Variants in KCNH7 observed in about 807,000 individuals in gnomAD.
The protein encoded by KCNH7 is voltage-gated inwardly rectifying potassium channel KCNH7.
Under a neutral mutation model 120.8 loss-of-function variants are expected in KCNH7, and 49 were observed. That is an observed-to-expected ratio of 0.41 (90% confidence interval 0.32 to 0.51). The LOEUF (loss-of-function observed/expected upper bound fraction) is 0.51. Among genes scored for constraint, KCNH7 ranks in the 20% least tolerant of loss-of-function variants. The pLI is 0.38. For missense variants in KCNH7, 1,097 were observed against 1,446.6 expected, an observed-to-expected ratio of 0.76 and a Z score of 3.92; for synonymous variants, 547 against 516.1, an observed-to-expected ratio of 1.06 and a Z score of -0.81.
chr2:162,821,408 C>A, intron 2 of KCNH7, among the ~76,000 whole-genome samples: 1 of 152,286 alleles, frequency 6.6e-6, no homozygotes, highest in East Asian at 1.9e-4. Flanking sequence ...GGAATTCTGA[C>A]TCATTTCTCC....
At chr2:162,607,048 T>C (rs1682797303) in intron 2 of KCNH7, among the ~76,000 whole-genome samples, 1 of 151,856 alleles carries the variant, frequency 6.6e-6, no homozygotes, top group Non-Finnish European at 1.5e-5. Flanking sequence ...ATGTATATAT[T>C]ATAACACTAA....
intron 2 of KCNH7, among the ~76,000 whole-genome samples, chr2:162,577,287 ATCTG>A (rs1327944821): frequency 0.011 from 1,302 of 118,952 alleles, 17 homozygotes; most frequent in East Asian, 0.046. Context: ...AGATAGATCT[ATCTG>A]TCTATCTATC....
At chr2:162,832,227 A>G (rs1685503758) in intron 2 of KCNH7, among the ~76,000 whole-genome samples, 1 of 152,134 alleles carries the variant, frequency 6.6e-6, no homozygotes, top group South Asian at 2.1e-4. Context: ...TGAATTACAC[A>G]CACATAAAAT....
chr2:162,827,909 A>G (rs1573938437), intron 2 of KCNH7, among the ~76,000 whole-genome samples: 1 of 152,192 alleles, frequency 6.6e-6, no homozygotes, highest in Admixed American at 6.6e-5. Context: ...CTGAGTTGGA[A>G]CTCAATGTTA....
At chr2:162,676,391 A>G (rs1031162691) in intron 2 of KCNH7, among the ~76,000 whole-genome samples, 1 of 151,602 alleles carries the variant, frequency 6.6e-6, no homozygotes, top group Non-Finnish European at 1.5e-5. Flanking sequence ...TAAAACAGGT[A>G]TAGTTCATGT....
At chr2:162,688,667 G>T (rs758688738) in intron 2 of KCNH7, among the ~76,000 whole-genome samples, 49 of 151,552 alleles carry the variant, frequency 3.2e-4, no homozygotes, top group Non-Finnish European at 6.2e-4. Flanking sequence ...TGTGGTATAG[G>T]TATTTTTAAT....
At chr2:162,694,007 A>C (rs907880986) in intron 2 of KCNH7, among the ~76,000 whole-genome samples, 1 of 152,206 alleles carries the variant, frequency 6.6e-6, no homozygotes, top group Non-Finnish European at 1.5e-5. Flanking sequence ...GATTGATGAG[A>C]TAGTGTTTTC....
intron 2 of KCNH7, chr2:162,795,378 T>G (rs553155237): frequency 6.6e-5 from 10 of 151,588 alleles, no homozygotes; most frequent in African/African-American, 2.4e-4. Flanking sequence ...GGTGTTCAAA[T>G]TTTTTTTTCC....
intron 5 of KCNH7, among the ~76,000 whole-genome samples, chr2:162,509,745 A>G (rs1302780400): frequency 6.6e-6 from 1 of 151,598 alleles, no homozygotes; most frequent in Non-Finnish European, 1.5e-5. Context: ...AACAAGTTGT[A>G]TTAGATTCAT....
At chr2:162,656,917 C>A (rs768872421) in intron 2 of KCNH7, among the ~76,000 whole-genome samples, 1 of 152,112 alleles carries the variant, frequency 6.6e-6, no homozygotes, top group Non-Finnish European at 1.5e-5. Flanking sequence ...TAAGAAGGGA[C>A]CATGGCAATT....
intron 2 of KCNH7, among the ~76,000 whole-genome samples, chr2:162,652,624 C>T (rs1189104410): frequency 6.6e-6 from 1 of 152,180 alleles, no homozygotes; most frequent in East Asian, 1.9e-4. Flanking sequence ...ATGCAGAGCT[C>T]AGGCAGTAAT....
At position 162,378,475 on chromosome 2, in the gene KCNH7, A is replaced by G. The variant is rs1686292173; in HGVS notation, c.3131+1378T>C. Among the ~76,000 whole-genome samples the G allele has an allele frequency of 1.3e-5, 2 of 152,224 alleles. 1 individual carries two copies. Among genetic ancestry groups the G allele is most frequent in the Middle Eastern group, 6.3e-3 (2 of 316 alleles). On this transcript the variant is annotated intron_variant, in intron 14 of 15. Transcript: ENST00000332142. ...ACAAAAATTTAAGCATAAATAGTGA[A>G]TAAATCAGTAGTTTGTGATATAGGC...
chr2:162,653,256 G>C (rs1462992185), intron 2 of KCNH7, among the ~76,000 whole-genome samples: 1 of 152,058 alleles, frequency 6.6e-6, no homozygotes, highest in Non-Finnish European at 1.5e-5. Context: ...AGATAAATTA[G>C]GCAAGAGAAA....
chr2:162,408,925 T>C (rs1334506332), intron 9 of KCNH7, among the ~76,000 whole-genome samples: 1 of 151,860 alleles, frequency 6.6e-6, no homozygotes, highest in Non-Finnish European at 1.5e-5. Context: ...AAAATGATAA[T>C]ATTTCATTTT....
intron 2 of KCNH7, among the ~76,000 whole-genome samples, chr2:162,672,797 A>C (rs1179954474): frequency 1.3e-5 from 2 of 152,050 alleles, no homozygotes; most frequent in Non-Finnish European, 2.9e-5. Context: ...TATTCTTTAA[A>C]ATAAAACAAT....
chr2:162,482,139 A>G (rs1689950401), intron 6 of KCNH7, among the ~76,000 whole-genome samples: 1 of 152,172 alleles, frequency 6.6e-6, no homozygotes, highest in Non-Finnish European at 1.5e-5. Flanking sequence ...GAGTTTAAGG[A>G]TGGGATAGAT....
At chr2:162,762,073 T>C (rs1688987231) in intron 2 of KCNH7, among the ~76,000 whole-genome samples, 1 of 152,050 alleles carries the variant, frequency 6.6e-6, no homozygotes, top group African/African-American at 2.4e-5. Context: ...CTCTCAAGAA[T>C]ACAAAGGCTC....
At chr2:162,762,030 T>C (rs1303914449) in intron 2 of KCNH7, among the ~76,000 whole-genome samples, 1 of 152,066 alleles carries the variant, frequency 6.6e-6, no homozygotes, top group African/African-American at 2.4e-5. Context: ...GCAGAGGAAT[T>C]GAGAAGCCAA....
At chr2:162,561,052 C>CT (rs58710467) in intron 2 of KCNH7, among the ~76,000 whole-genome samples, 92 of 148,454 alleles carry the variant, frequency 6.2e-4, no homozygotes, top group African/African-American at 8.6e-4. Context: ...ATGAAATAAC[C>CT]TTTTTTTTTT....
Sources: allele counts gnomAD v4.1 joint callset (sites outside exome capture counted in the v4.1 genomes callset), GRCh38; gene constraint gnomAD v4.1.1; transcripts MANE v1.5; gene names NCBI Gene and HGNC (gene_info 2026-07-23, HGNC 2026-07-21).